Variants in TACR3 observed in about 807,000 individuals in gnomAD.
TACR3 encodes tachykinin receptor 3, also known as neuromedin-K receptor.
A neutral mutation model predicts 35.0 loss-of-function variants in TACR3; 34 were observed. That is an observed-to-expected ratio of 0.97 (90% confidence interval 0.74 to 1.30). TACR3 has a LOEUF of 1.30. Ranked by LOEUF, TACR3 falls within the 50% of genes most tolerant of loss-of-function variation. The pLI is 0.00. For synonymous variants in TACR3, 233 were observed against 221.1 expected (o/e 1.05, Z -0.48); for missense variants, 558 against 591.7 (o/e 0.94, Z 0.59).
chr4:103,651,915 A>G (rs1725627246), intron 3 of TACR3, among the ~76,000 whole-genome samples: 1 of 152,066 alleles, frequency 6.6e-6, no homozygotes, highest in African/African-American at 2.4e-5. Flanking sequence ...AGGGAGCCTC[A>G]TAACTCTGAC....
intron 1 of TACR3, among the ~76,000 whole-genome samples, chr4:103,683,494 A>AAAAAAAAAAAAAAAAG (rs1722150904): frequency 7.5e-6 from 1 of 132,714 alleles, no homozygotes; most frequent in African/African-American, 3.5e-5. Context: ...AAAAAAAAAA[A>AAAAAAAAAAAAAAAAG]AGAGAGAGAG....
chr4:103,719,518 G>A lies in TACR3; in HGVS notation c.158C>T (p.Ser53Phe). The A allele has an allele frequency of 6.2e-7, 1 of 1,609,768 alleles. No individual in the cohort carries two copies. The highest frequency in any genetic ancestry group is 8.5e-7 in the Non-Finnish European group (1 of 1,176,530). The change falls in exon 1 of 5, where the codon TCC becomes TTC. Residue 53 changes from serine (S) to phenylalanine (F), a missense_variant. Physicochemically the swap from Ser to Phe is radical, Grantham distance 155. Coordinates refer to ENST00000304883, the MANE Select transcript of TACR3 (RefSeq NM_001059.3). The part of the protein sequence containing the change: ...QLLDQAGNLS[S>F]SPSALGLPVA... Reference sequence around the variant, plus strand: ...AGGCAGTCCCAGCGCGGAAGGGGAGGAGGAGAGGTTGCCAGCTTGGTCCAG... The same window carrying A: ...AGGCAGTCCCAGCGCGGAAGGGGAGAAGGAGAGGTTGCCAGCTTGGTCCAG...
chr4:103,656,712 G>A (rs1468412366), intron 2 of TACR3, among the ~76,000 whole-genome samples: 5 of 151,864 alleles, frequency 3.3e-5, no homozygotes, highest in Admixed American at 3.3e-4. Context: ...AAAAGGGAAG[G>A]GATAGAATAA....
At chr4:103,630,871 A>G (rs1725041973) in intron 3 of TACR3, among the ~76,000 whole-genome samples, 1 of 152,160 alleles carries the variant, frequency 6.6e-6, no homozygotes, top group Admixed American at 6.5e-5. Flanking sequence ...CTATAAAGAC[A>G]CACACACACG....
chr4:103,627,589 G>A (rs1298784338), intron 3 of TACR3, among the ~76,000 whole-genome samples: 2 of 151,874 alleles, frequency 1.3e-5, no homozygotes, highest in African/African-American at 4.8e-5. Flanking sequence ...ATCAAGAAGA[G>A]CTAACTATCC....
chr4:103,703,649 A>G (rs763370863), intron 1 of TACR3, among the ~76,000 whole-genome samples: 1 of 152,150 alleles, frequency 6.6e-6, no homozygotes, highest in Non-Finnish European at 1.5e-5. Context: ...TAATATACCA[A>G]TGAGGAAACC....
intron 3 of TACR3, among the ~76,000 whole-genome samples, chr4:103,599,577 T>G (rs1439364392): frequency 6.6e-6 from 1 of 152,198 alleles, no homozygotes; most frequent in African/African-American, 2.4e-5. Flanking sequence ...TTCAGTATGA[T>G]ATTGGCTGTG....
intron 3 of TACR3, among the ~76,000 whole-genome samples, chr4:103,622,688 A>C (rs2110304985): frequency 6.6e-6 from 1 of 152,278 alleles, no homozygotes; most frequent in South Asian, 2.1e-4. Flanking sequence ...GAGAGGCTTG[A>C]TGAGGTGTTC....
At chr4:103,598,059 A>C (rs982837989) in intron 3 of TACR3, among the ~76,000 whole-genome samples, 1 of 152,206 alleles carries the variant, frequency 6.6e-6, no homozygotes, top group Non-Finnish European at 1.5e-5. Flanking sequence ...ACTAGTTTAC[A>C]GTCCCACCAA....
intron 3 of TACR3, among the ~76,000 whole-genome samples, chr4:103,641,081 T>C (rs998528772): frequency 5.3e-5 from 8 of 152,022 alleles, no homozygotes; most frequent in Non-Finnish European, 1.2e-4. Context: ...GATTTTTATA[T>C]ACTATGATTT....
At chr4:103,706,973 T>A (rs1245764670) in intron 1 of TACR3, among the ~76,000 whole-genome samples, 1 of 152,210 alleles carries the variant, frequency 6.6e-6, no homozygotes, top group East Asian at 1.9e-4. Context: ...TGCAGTTTTA[T>A]CTTTGTATCA....
At chr4:103,657,416 G>A (rs1163323124) in intron 2 of TACR3, among the ~76,000 whole-genome samples, 1 of 151,950 alleles carries the variant, frequency 6.6e-6, no homozygotes, top group Non-Finnish European at 1.5e-5. Flanking sequence ...AATATGAGCT[G>A]TCTGATTTTC....
intron 3 of TACR3, among the ~76,000 whole-genome samples, chr4:103,611,403 C>G (rs184531411): frequency 6.6e-6 from 1 of 152,096 alleles, no homozygotes; most frequent in East Asian, 1.9e-4. Context: ...GGATTGATTT[C>G]TTAATTTCTT....
chr4:103,708,622 G>A (rs1480184419), intron 1 of TACR3, among the ~76,000 whole-genome samples: 1 of 152,224 alleles, frequency 6.6e-6, no homozygotes, highest in Non-Finnish European at 1.5e-5. Flanking sequence ...AAGGAAAGCA[G>A]CTCCTCGCTA....
intron 3 of TACR3, among the ~76,000 whole-genome samples, chr4:103,600,527 T>G (rs1724170038): frequency 6.6e-6 from 1 of 152,120 alleles, no homozygotes; most frequent in Non-Finnish European, 1.5e-5. Flanking sequence ...GATCTTGCTT[T>G]TCTAGTTCTT....
intron 1 of TACR3, among the ~76,000 whole-genome samples, chr4:103,692,713 G>A (rs1322020771): frequency 1.3e-5 from 2 of 152,116 alleles, no homozygotes; most frequent in African/African-American, 4.8e-5. Flanking sequence ...CATCCAGATA[G>A]CAAATAAATA....
Position 103,660,192 on chromosome 4 carries a change from A to G in TACR3, c.549-1789T>C, listed in dbSNP as rs6846916. 6.3e-3 allele frequency among the ~76,000 whole-genome samples: 960 copies of G among 152,200 alleles called. 7 individuals are homozygous for G. Among genetic ancestry groups the G allele is most frequent in the South Asian group, 0.017 (81 of 4,830 alleles). On this transcript the variant is annotated intron_variant, in intron 1 of 4. Coordinates refer to ENST00000304883, the MANE Select transcript of TACR3 (RefSeq NM_001059.3). The stretch of plus-strand genomic sequence containing the variant: ...CTATATAATATTCTTAATATTAACT[A>G]TAGTCATGATTTACCTAAAGAAAAC...
chr4:103,622,238 A>G (rs1264941740), intron 3 of TACR3, among the ~76,000 whole-genome samples: 1 of 152,232 alleles, frequency 6.6e-6, no homozygotes, highest in Non-Finnish European at 1.5e-5. Flanking sequence ...CAGCGAATTA[A>G]TCAAAGGTGT....
intron 3 of TACR3, among the ~76,000 whole-genome samples, chr4:103,631,095 C>T (rs1332221331): frequency 6.6e-6 from 1 of 152,086 alleles, no homozygotes; most frequent in South Asian, 2.1e-4. Context: ...CCAAACACGG[C>T]ATGTTCTCAC....
Sources: gnomAD v4.1 joint callset for allele counts (sites outside exome capture counted in the v4.1 genomes callset) on GRCh38, gnomAD v4.1.1 for gene constraint, MANE v1.5 for transcripts, NCBI Gene and HGNC (gene_info 2026-07-23, HGNC 2026-07-21) for gene names.